Variants in CSMD1 observed in about 807,000 individuals in gnomAD.
CSMD1 encodes the protein CUB and sushi domain-containing protein 1.
In CSMD1, 213 loss-of-function variants were observed where a neutral mutation model predicts 417.5. That is an observed-to-expected ratio of 0.51 (90% CI 0.46 to 0.57). The LOEUF is 0.57. Ranked by LOEUF, CSMD1 falls within the 20% of genes least tolerant of loss-of-function variation. The probability of loss-of-function intolerance (pLI) is 0.00; values close to 1 mark genes in which losing one functional copy is unlikely to be tolerated. For synonymous variants in CSMD1, 2,862 were observed against 1,736.8 expected, an observed-to-expected ratio of 1.65 and a Z score of -16.11; for missense variants, 6,923 against 4,529.7, an observed-to-expected ratio of 1.53 and a Z score of -15.17.
chr8:3,672,845 A>G (rs1294141679), intron 7 of CSMD1, among the ~76,000 whole-genome samples: 1 of 152,152 alleles, frequency 6.6e-6, no homozygotes, highest in East Asian at 1.9e-4. Flanking sequence ...AGACTTGGAG[A>G]CGCAGCTTCT....
At chr8:4,251,728 G>C (rs1242182883) in intron 3 of CSMD1, among the ~76,000 whole-genome samples, 1 of 152,082 alleles carries the variant, frequency 6.6e-6, no homozygotes, top group Non-Finnish European at 1.5e-5. Flanking sequence ...GTCCTGATGA[G>C]ACGTCACAGT....
chr8:3,646,076 T>C (rs1585012417), intron 7 of CSMD1, among the ~76,000 whole-genome samples: 1 of 150,462 alleles, frequency 6.6e-6, no homozygotes, highest in Non-Finnish European at 1.5e-5. Flanking sequence ...AAGTGAATTG[T>C]GGCAGAGTTA....
chr8:4,256,416 A>T (rs985886327), intron 3 of CSMD1, among the ~76,000 whole-genome samples: 3 of 152,218 alleles, frequency 2.0e-5, no homozygotes, highest in African/African-American at 7.2e-5. Context: ...CTCCTCTGAA[A>T]ATAGCACAGA....
At chr8:3,987,708 G>C (rs77578103) in intron 5 of CSMD1, among the ~76,000 whole-genome samples, 1,996 of 152,320 alleles carry the variant, frequency 0.013, 35 homozygotes, top group African/African-American at 0.046. Flanking sequence ...CTGCAAGGTG[G>C]AACGAGGTCA....
chr8:4,368,365 C>G (rs1158260266), intron 3 of CSMD1, among the ~76,000 whole-genome samples: 1 of 152,082 alleles, frequency 6.6e-6, no homozygotes, highest in Non-Finnish European at 1.5e-5. Context: ...TTAGCTTTTT[C>G]ATCTGCTGCT....
chr8:4,273,159 T>C (rs1385471456), intron 3 of CSMD1, among the ~76,000 whole-genome samples: 1 of 152,150 alleles, frequency 6.6e-6, no homozygotes, highest in African/African-American at 2.4e-5. Context: ...CTTACCTTTA[T>C]CTTTTAAAAG....
chr8:4,849,310 A>C (rs1203591578), intron 1 of CSMD1, among the ~76,000 whole-genome samples: 2 of 152,176 alleles, frequency 1.3e-5, no homozygotes, highest in Admixed American at 6.5e-5. Context: ...TGTTTAAAAA[A>C]TTAAAAGTTT....
chr8:4,461,832 C>T (rs1799847967), intron 2 of CSMD1, among the ~76,000 whole-genome samples: 1 of 150,492 alleles, frequency 6.6e-6, no homozygotes, highest in African/African-American at 2.5e-5. Flanking sequence ...GCTCCACCTA[C>T]GGGGTTCCCG....
intron 2 of CSMD1, among the ~76,000 whole-genome samples, chr8:4,492,465 A>C (rs1377995630): frequency 6.6e-6 from 1 of 152,234 alleles, no homozygotes. Flanking sequence ...AGTAAACATG[A>C]GCTTAGATTC....
rs139921140 is a variant in CSMD1, at chr8:4,652,958, A to G, written c.86-15400T>C. ...TGTGAGTGATAGGGAGTGGCTGGAA[A>G]TACAAGCAAAGCTTCCCTTGCTCAC... On this transcript the variant is annotated intron_variant, in intron 1 of 69. Transcript: ENST00000635120. Among the ~76,000 whole-genome samples, 276 of 152,158 alleles carry G rather than the reference A, an allele frequency of 1.8e-3. 3 individuals are homozygous for G. Among genetic ancestry groups the G allele is most frequent in the African/African-American group, 6.5e-3 (268 of 41,456 alleles).
chr8:4,591,945 T>C (rs1426918336), intron 2 of CSMD1, among the ~76,000 whole-genome samples: 2 of 151,986 alleles, frequency 1.3e-5, no homozygotes, highest in Non-Finnish European at 2.9e-5. Context: ...AGGCAGCTGC[T>C]AGTGCAAACG....
chr8:3,224,595 A>C (rs2116875879), intron 27 of CSMD1, among the ~76,000 whole-genome samples: 1 of 152,354 alleles, frequency 6.6e-6, no homozygotes. Flanking sequence ...TTACTCTCTG[A>C]AAATATCATT....
At chr8:4,161,487 G>C (rs1357954651) in intron 3 of CSMD1, among the ~76,000 whole-genome samples, 1 of 152,170 alleles carries the variant, frequency 6.6e-6, no homozygotes, top group Non-Finnish European at 1.5e-5. Flanking sequence ...TGCTGCTGTT[G>C]AGATAAAAGA....
chr8:4,693,316 C>G (rs1806896875), intron 1 of CSMD1, among the ~76,000 whole-genome samples: 1 of 152,158 alleles, frequency 6.6e-6, no homozygotes, highest in Non-Finnish European at 1.5e-5. Flanking sequence ...AACATCATAA[C>G]TTTGTATAAT....
At position 4,920,257 on chromosome 8, in the gene CSMD1, T is replaced by TCCCC. The variant is rs1476692078; in HGVS notation, c.85+74074_85+74075insGGGG. Among the ~76,000 whole-genome samples, 4 of 152,156 alleles carry TCCCC rather than the reference T, an allele frequency of 2.6e-5. No individual in the cohort carries two copies. In the East Asian group the frequency reaches 7.7e-4, roughly 29 times the overall value. On this transcript the variant is annotated intron_variant, in intron 1 of 69. Transcript: ENST00000635120. ...TACTCAGACTTATTCTAGAAAGTAT[T>TCCCC]ATACTTATGACTGGCTGAAATGAGC...
intron 4 of CSMD1, among the ~76,000 whole-genome samples, chr8:4,020,768 T>C (rs750945136): frequency 6.6e-6 from 1 of 152,260 alleles, no homozygotes; most frequent in Non-Finnish European, 1.5e-5. Context: ...ACTTCCAACC[T>C]TGAGATAAGG....
chr8:3,607,136 G>A (rs1801658142), intron 8 of CSMD1, among the ~76,000 whole-genome samples: 1 of 151,954 alleles, frequency 6.6e-6, no homozygotes, highest in African/African-American at 2.4e-5. Flanking sequence ...TTTTTCTATT[G>A]TTCTTTTTAC....
intron 10 of CSMD1, among the ~76,000 whole-genome samples, chr8:3,497,160 A>G (rs1796400462): frequency 1.3e-5 from 2 of 152,162 alleles, no homozygotes; most frequent in African/African-American, 4.8e-5. Flanking sequence ...CGTTAGGTCC[A>G]TTTGGTCTAC....
chr8:4,324,768 A>G (rs1401002516), intron 3 of CSMD1, among the ~76,000 whole-genome samples: 1 of 152,156 alleles, frequency 6.6e-6, no homozygotes, highest in Non-Finnish European at 1.5e-5. Context: ...AGCCCCATAA[A>G]CAAACATCGA....
Sources: gnomAD v4.1 joint callset for allele counts (sites outside exome capture counted in the v4.1 genomes callset) on GRCh38, gnomAD v4.1.1 for gene constraint, MANE v1.5 for transcripts, NCBI Gene and HGNC (gene_info 2026-07-23, HGNC 2026-07-21) for gene names.